Variants in AMPH observed in about 807,000 individuals in gnomAD.
AMPH encodes amphiphysin, also known as amphiphysin (Stiff-Mann syndrome with breast cancer 128kD autoantigen).
AMPH carries 49 observed loss-of-function variants against 99.1 expected under a neutral mutation model. The observed-to-expected ratio is 0.49, with a 90% confidence interval of 0.39 to 0.63. The LOEUF (loss-of-function observed/expected upper bound fraction) is 0.63, where lower values mean the gene tolerates loss of function less well. Ranked by LOEUF, AMPH falls within the 20% of genes least tolerant of loss-of-function variation. The probability of loss-of-function intolerance (pLI) is 0.00; values close to 1 mark genes in which losing one functional copy is unlikely to be tolerated. For synonymous variants in AMPH, 314 were observed against 317.3 expected (o/e 0.99, Z 0.11); for missense variants, 759 against 863.4 (o/e 0.88, Z 1.52).
intron 1 of AMPH, among the ~76,000 whole-genome samples, 165 bp downstream of exon 1, chr7:38,631,118 G>A (rs949272185): frequency 6.6e-6 from 1 of 151,884 alleles, no homozygotes. Context: ...GCGCCTTGCG[G>A]CAGTCACCGA....
intron 5 of AMPH, among the ~76,000 whole-genome samples, chr7:38,488,202 C>T (rs1050114736): frequency 6.6e-6 from 1 of 152,152 alleles, no homozygotes; most frequent in African/African-American, 2.4e-5. Context: ...ATAACTCATT[C>T]TACAATAAAG....
At chr7:38,409,510 A>G (rs1479706385) in intron 17 of AMPH, among the ~76,000 whole-genome samples, 1 of 152,028 alleles carries the variant, frequency 6.6e-6, no homozygotes, top group Non-Finnish European at 1.5e-5. Context: ...CTCTCATGGT[A>G]CCCCCGGTCC....
Position 38,477,563 on chromosome 7 carries a change from A to G in AMPH, c.397-594T>C, listed in dbSNP as rs545926965. On this transcript the variant is annotated intron_variant, in intron 5 of 20. Coordinates refer to ENST00000356264, the MANE Select transcript of AMPH (RefSeq NM_001635.4). ...TGGGCAAGCTCTTTCCCATGGGTCA[A>G]CATTGGAAGCCATGAGAAAGTCTGA... Among the ~76,000 whole-genome samples the G allele has an allele frequency of 9.2e-5, 14 of 152,348 alleles. No homozygotes were observed. The South Asian group carries it at 2.3e-3, about 25-fold the overall frequency.
At chr7:38,629,250 T>A (rs1794370336) in intron 1 of AMPH, among the ~76,000 whole-genome samples, 1 of 152,140 alleles carries the variant, frequency 6.6e-6, no homozygotes, top group African/African-American at 2.4e-5. Flanking sequence ...GCCAAGCATA[T>A]CCTGATGCTA....
chr7:38,490,079 A>C (rs942957792), intron 5 of AMPH, among the ~76,000 whole-genome samples: 1 of 152,204 alleles, frequency 6.6e-6, no homozygotes, highest in African/African-American at 2.4e-5. Flanking sequence ...ACAAATCCCA[A>C]GGCAAAAATT....
chr7:38,479,613 CAAAGG>C (rs1163130233), intron 5 of AMPH, among the ~76,000 whole-genome samples: 1 of 151,842 alleles, frequency 6.6e-6, no homozygotes, highest in African/African-American at 2.4e-5. Flanking sequence ...AATAACAGTG[CAAAGG>C]AAAGGAGGTG....
intron 17 of AMPH, among the ~76,000 whole-genome samples, chr7:38,405,105 T>C (rs1039910296): frequency 1.3e-5 from 2 of 152,094 alleles, no homozygotes; most frequent in Admixed American, 6.5e-5. Flanking sequence ...TTATATCTTG[T>C]CAAGCTAAGC....
intron 19 of AMPH, among the ~76,000 whole-genome samples, chr7:38,390,189 G>A (rs922235319): frequency 6.6e-6 from 1 of 151,774 alleles, no homozygotes; most frequent in East Asian, 1.9e-4. Flanking sequence ...TTTTATTATC[G>A]CTGATGCTTT....
intron 18 of AMPH, among the ~76,000 whole-genome samples, chr7:38,392,377 C>CTTTTTTTTTTTTTT (rs574057389): frequency 4.8e-5 from 2 of 42,048 alleles, no homozygotes; most frequent in East Asian, 9.4e-4. Flanking sequence ...CGGCCTGGTT[C>CTTTTTTTTTTTTTT]TTTTTTTTTT....
At chr7:38,560,955 A>C (rs953973872) in intron 1 of AMPH, among the ~76,000 whole-genome samples, 21 of 152,186 alleles carry the variant, frequency 1.4e-4, no homozygotes, top group African/African-American at 5.1e-4. Context: ...TGTTCTCTCA[A>C]ACTTGGGCTA....
chr7:38,571,370 ATATT>A (rs1241845390), intron 1 of AMPH, among the ~76,000 whole-genome samples: 8 of 107,218 alleles, frequency 7.5e-5, no homozygotes, highest in South Asian at 2.7e-4. Flanking sequence ...TAGAATATAT[ATATT>A]TTTATATATT....
Position 38,410,924 on chromosome 7 carries a change from G to A in AMPH, c.1398+6901C>T, listed in dbSNP as rs185149578. Among the ~76,000 whole-genome samples the A allele has an allele frequency of 2.8e-4, 43 of 152,296 alleles. 1 individual carries two copies. The East Asian group carries it at 6.4e-3, about 23-fold the overall frequency. ...GAACATCCATCAAGTCTAAGCATTC[G>A]TTGTGGGAAGTCTTTGTGTCCACTT... On this transcript the variant is annotated intron_variant, in intron 17 of 20. Coordinates refer to ENST00000356264, the MANE Select transcript of AMPH (RefSeq NM_001635.4).
rs145160451 is a variant in AMPH, at chr7:38,448,192, C to T, written c.1018-11804G>A. ...TTAGAAGCTTATAACAAGATTGCTC[C>T]AGATGGGTACATTACAGTTAATGTG... On this transcript the variant is annotated intron_variant, in intron 11 of 20. Coordinates refer to ENST00000356264, the MANE Select transcript of AMPH (RefSeq NM_001635.4). Among the ~76,000 whole-genome samples, 650 of 152,260 alleles carry T rather than the reference C, an allele frequency of 4.3e-3. 5 individuals carry two copies. The highest frequency in any genetic ancestry group is 0.015 in the African/African-American group (623 of 41,566).
chr7:38,491,623 G>A (rs962873477), intron 4 of AMPH, among the ~76,000 whole-genome samples: 3 of 152,202 alleles, frequency 2.0e-5, no homozygotes, highest in Non-Finnish European at 4.4e-5. Context: ...TATCAATTAT[G>A]TTAAACGTAC....
At chr7:38,504,721 G>A (rs551856377) in intron 2 of AMPH, among the ~76,000 whole-genome samples, 1 of 152,194 alleles carries the variant, frequency 6.6e-6, no homozygotes, top group Non-Finnish European at 1.5e-5. Context: ...TAGAAGCAGA[G>A]AGGGCTCCAG....
At chr7:38,399,864 G>C (rs1003716973) in intron 17 of AMPH, among the ~76,000 whole-genome samples, 1 of 152,054 alleles carries the variant, frequency 6.6e-6, no homozygotes, top group Non-Finnish European at 1.5e-5. Flanking sequence ...ATATTTATGG[G>C]GGAAACAGCT....
chr7:38,466,772 A>AT (rs1468281625), intron 7 of AMPH, among the ~76,000 whole-genome samples: 1 of 152,148 alleles, frequency 6.6e-6, no homozygotes, highest in Admixed American at 6.5e-5. Context: ...AATTTGTTTC[A>AT]TAGAAGGAAA....
chr7:38,586,957 T>C (rs1414772472), intron 1 of AMPH, among the ~76,000 whole-genome samples: 1 of 152,108 alleles, frequency 6.6e-6, no homozygotes, highest in Admixed American at 6.5e-5. Context: ...TTATTTCTCC[T>C]ATCACACACT....
At chr7:38,505,861 G>A (rs1789305370) in intron 2 of AMPH, among the ~76,000 whole-genome samples, 1 of 151,946 alleles carries the variant, frequency 6.6e-6, no homozygotes, top group Non-Finnish European at 1.5e-5. Flanking sequence ...CATAAATAGT[G>A]GAAAAAATAT....
Sources: allele counts gnomAD v4.1 joint callset (sites outside exome capture counted in the v4.1 genomes callset), GRCh38; gene constraint gnomAD v4.1.1; transcripts MANE v1.5; gene names NCBI Gene and HGNC (gene_info 2026-07-23, HGNC 2026-07-21).